The following CCDC178 variants were observed in gnomAD, a reference collection of about 807,000 sequenced individuals.
CCDC178 encodes the protein coiled-coil domain containing 178.
In CCDC178, 126 loss-of-function variants were observed where a neutral mutation model predicts 117.4. The observed-to-expected ratio is 1.07, with a 90% confidence interval of 0.93 to 1.24. CCDC178 has a LOEUF of 1.24. CCDC178 is among the 50% of genes most tolerant of loss of function. CCDC178 has a pLI of 0.00. For missense variants in CCDC178, 1,030 were observed against 986.9 expected, an observed-to-expected ratio of 1.04 and a Z score of -0.59; for synonymous variants, 283 against 313.4, an observed-to-expected ratio of 0.90 and a Z score of 1.02.
At chr18:33,063,338 A>T (rs2144969223) in intron 21 of CCDC178, among the ~76,000 whole-genome samples, 1 of 152,246 alleles carries the variant, frequency 6.6e-6, no homozygotes, top group East Asian at 1.9e-4. Context: ...GCACCCATGC[A>T]TACCTTCCAG....
chr18:33,193,315 T>C (rs1433803068), intron 20 of CCDC178, among the ~76,000 whole-genome samples: 1 of 145,290 alleles, frequency 6.9e-6, no homozygotes, highest in Non-Finnish European at 1.5e-5. Flanking sequence ...TAAAGAGGTC[T>C]GAGGAAGCCT....
intron 20 of CCDC178, among the ~76,000 whole-genome samples, chr18:33,130,215 T>C (rs1334432939): frequency 1.3e-5 from 2 of 151,988 alleles, no homozygotes; most frequent in African/African-American, 4.8e-5. Flanking sequence ...TTGGTGAGAT[T>C]AAATAATTTA....
intron 14 of CCDC178, among the ~76,000 whole-genome samples, chr18:33,249,334 T>A (rs954929329): frequency 6.6e-6 from 1 of 152,132 alleles, no homozygotes. Flanking sequence ...AGACATGAAG[T>A]CCTTGACCAT....
At chr18:33,001,349 C>G (rs1462248922) in intron 21 of CCDC178, among the ~76,000 whole-genome samples, 2 of 151,830 alleles carry the variant, frequency 1.3e-5, no homozygotes, top group African/African-American at 4.8e-5. Context: ...GAAACCCCTA[C>G]TAAAATACAA....
chr18:33,109,439 A>C (rs1250282646), intron 20 of CCDC178, among the ~76,000 whole-genome samples: 1 of 151,670 alleles, frequency 6.6e-6, no homozygotes, highest in Non-Finnish European at 1.5e-5. Context: ...TCTTTTATAA[A>C]AAGGTTGTGG....
intron 21 of CCDC178, among the ~76,000 whole-genome samples, chr18:32,985,642 T>C (rs2055246386): frequency 6.6e-6 from 1 of 152,054 alleles, no homozygotes; most frequent in Non-Finnish European, 1.5e-5. Context: ...TAGTTACTAA[T>C]ACCATTCTTT....
chr18:33,414,164 T>A (rs1310094375), intron 2 of CCDC178, among the ~76,000 whole-genome samples: 1 of 152,186 alleles, frequency 6.6e-6, no homozygotes, highest in Non-Finnish European at 1.5e-5. Flanking sequence ...AATTTTAAAA[T>A]GTCAAAACTA....
chr18:33,160,024 A>C (rs2144376685), intron 20 of CCDC178, among the ~76,000 whole-genome samples: 1 of 152,208 alleles, frequency 6.6e-6, no homozygotes, highest in East Asian at 1.9e-4. Context: ...CAAAGATGTA[A>C]GGATTTAGAG....
At chr18:33,077,177 T>C (rs554793257) in intron 21 of CCDC178, among the ~76,000 whole-genome samples, 72 of 152,316 alleles carry the variant, frequency 4.7e-4, no homozygotes, top group Middle Eastern at 3.4e-3. Flanking sequence ...ACCCTGTATA[T>C]GGATAATGAG....
At chr18:33,003,983 C>T (rs2055697059) in intron 21 of CCDC178, among the ~76,000 whole-genome samples, 1 of 151,924 alleles carries the variant, frequency 6.6e-6, no homozygotes, top group African/African-American at 2.4e-5. Flanking sequence ...TGAAAAATCT[C>T]TACAATGAAA....
intron 3 of CCDC178, among the ~76,000 whole-genome samples, chr18:33,403,327 C>T (rs548731260): frequency 1.3e-5 from 2 of 152,150 alleles, no homozygotes; most frequent in Admixed American, 6.5e-5. Flanking sequence ...AGTGAGTGGC[C>T]ACAGAGGGCT....
Position 33,360,902 on chromosome 18 carries a change from A to AAAT in CCDC178, c.349-4559_349-4557dup, listed in dbSNP as rs1231151927. On this transcript the variant is annotated intron_variant, in intron 6 of 22. Coordinates refer to ENST00000383096, the MANE Select transcript of CCDC178 (RefSeq NM_001105528.4). ...CAAATGGGAAGAATTAATATTGCTAAAATAATCCTAGTACTCTAAGCAATA... is the reference window on the plus strand; with the variant it reads ...CAAATGGGAAGAATTAATATTGCTAAAATAATAATCCTAGTACTCTAAGCAATA... Among the ~76,000 whole-genome samples the AAAT allele has an allele frequency of 3.3e-5, 5 of 151,740 alleles. No homozygotes were observed. In the South Asian group the frequency reaches 1.0e-3, roughly 31 times the overall value.
chr18:32,964,756 C>T (rs1289572514), intron 22 of CCDC178, among the ~76,000 whole-genome samples: 3 of 151,834 alleles, frequency 2.0e-5, no homozygotes, highest in Admixed American at 6.6e-5. Context: ...GCATTCAGAG[C>T]GGTTAAGTGT....
intron 20 of CCDC178, among the ~76,000 whole-genome samples, chr18:33,193,813 T>A (rs1395576002): frequency 6.6e-6 from 1 of 152,212 alleles, no homozygotes; most frequent in Non-Finnish European, 1.5e-5. Context: ...TGTTTTGTGC[T>A]TCTGTGACAT....
chr18:33,351,230 T>C (rs1294116878), intron 7 of CCDC178, among the ~76,000 whole-genome samples: 1 of 151,964 alleles, frequency 6.6e-6, no homozygotes, highest in African/African-American at 2.4e-5. Flanking sequence ...AGTCTCACTG[T>C]CGCCCAGGTT....
chr18:33,306,458 T>TG (rs2062251852), intron 11 of CCDC178, among the ~76,000 whole-genome samples: 1 of 113,142 alleles, frequency 8.8e-6, no homozygotes, highest in Non-Finnish European at 1.8e-5. Context: ...GTACATATGG[T>TG]TATATATATA....
At chr18:33,307,163 G>A (rs146472957) in intron 11 of CCDC178, among the ~76,000 whole-genome samples, 1 of 152,310 alleles carries the variant, frequency 6.6e-6, no homozygotes, top group East Asian at 1.9e-4. Context: ...AATGACTTTG[G>A]AACTGGCTAA....
At chr18:33,137,130 A>G (rs1007813613) in intron 20 of CCDC178, among the ~76,000 whole-genome samples, 5 of 152,208 alleles carry the variant, frequency 3.3e-5, no homozygotes, top group African/African-American at 1.2e-4. Context: ...AGTTTGAAAT[A>G]TTCCTACTTC....
At chr18:32,971,681 A>G (rs1246089904) in intron 22 of CCDC178, among the ~76,000 whole-genome samples, 2 of 152,130 alleles carry the variant, frequency 1.3e-5, no homozygotes, top group Non-Finnish European at 2.9e-5. Flanking sequence ...CCTCGCCAGT[A>G]TCTATGGTTT....
Sources: gnomAD v4.1 joint callset for allele counts (sites outside exome capture counted in the v4.1 genomes callset) on GRCh38, gnomAD v4.1.1 for gene constraint, MANE v1.5 for transcripts, NCBI Gene and HGNC (gene_info 2026-07-23, HGNC 2026-07-21) for gene names.